The following KIFAP3 variants were observed in gnomAD, a reference collection of about 807,000 sequenced individuals.
KIFAP3 encodes kinesin-associated protein 3.
KIFAP3 carries 68 observed loss-of-function variants against 106.5 expected under a neutral mutation model. The ratio of observed to expected loss-of-function variants is 0.64; its 90% CI spans 0.53 to 0.78. The LOEUF is 0.78. Ranked by LOEUF, KIFAP3 falls within the 30% of genes least tolerant of loss-of-function variation. The pLI is 0.00. For synonymous variants in KIFAP3, 320 were observed against 311.5 expected (o/e 1.03, Z -0.29); for missense variants, 780 against 941.8 (o/e 0.83, Z 2.25).
At chr1:170,026,836 G>C (rs964769467) in intron 8 of KIFAP3, among the ~76,000 whole-genome samples, 10 of 152,086 alleles carry the variant, frequency 6.6e-5, no homozygotes, top group Non-Finnish European at 1.2e-4. Context: ...TCCGTAGTGG[G>C]AAATAACTAG....
At chr1:169,965,618 C>G (rs923358553) in intron 17 of KIFAP3, among the ~76,000 whole-genome samples, 2 of 151,962 alleles carry the variant, frequency 1.3e-5, no homozygotes, top group Non-Finnish European at 2.9e-5. Flanking sequence ...ATTTCACACC[C>G]TCTTTTAAGA....
Position 169,984,610 on chromosome 1 carries a change from GT to G in KIFAP3, c.1364del (p.Asn455ThrfsTer14), listed in dbSNP as rs1413606492. On this transcript the variant is annotated frameshift_variant, in exon 12 of 20. Coordinates refer to ENST00000361580, the MANE Select transcript of KIFAP3 (RefSeq NM_014970.4). LOFTEE classifies it high-confidence loss of function. ...LISFCINLAA[N>X]KRNVQLICEG... ...CACAGATAAGCTGTACATTTCTTTT[GT>G]TAGCAGCAAGATTAATGCAGAAAGA... 1 of 1,604,786 alleles carries G rather than the reference GT, an allele frequency of 6.2e-7. No individual in the cohort carries two copies. The highest frequency in any genetic ancestry group is 1.7e-5 in the Admixed American group (1 of 59,532).
At chr1:169,975,062 T>C (rs1351089262) in intron 16 of KIFAP3, among the ~76,000 whole-genome samples, 1 of 152,124 alleles carries the variant, frequency 6.6e-6, no homozygotes, top group Admixed American at 6.6e-5. Context: ...AAATAGTTGT[T>C]ATACTGTATT....
chr1:169,923,848 CT>C (rs1662965033), intron 19 of KIFAP3, among the ~76,000 whole-genome samples: 1 of 152,172 alleles, frequency 6.6e-6, no homozygotes, highest in African/African-American at 2.4e-5. Context: ...TTGTAGCAAC[CT>C]AGGCAATTGC....
chr1:170,042,888 T>C (rs1263662257), intron 3 of KIFAP3, among the ~76,000 whole-genome samples: 2 of 152,184 alleles, frequency 1.3e-5, no homozygotes, highest in Non-Finnish European at 2.9e-5. Flanking sequence ...TCTCTAGCCT[T>C]AAGGTCCAAC....
intron 17 of KIFAP3, among the ~76,000 whole-genome samples, chr1:169,961,499 C>T (rs780480509): frequency 6.6e-6 from 1 of 152,126 alleles, no homozygotes; most frequent in Non-Finnish European, 1.5e-5. Flanking sequence ...TTTAATATTA[C>T]ATAAATATTG....
chr1:170,005,649 T>C (rs36039820), intron 10 of KIFAP3, among the ~76,000 whole-genome samples: 1 of 136,528 alleles, frequency 7.3e-6, no homozygotes, highest in African/African-American at 2.8e-5. Flanking sequence ...TAGGTGGGAA[T>C]TGAACAATGA....
upstream of KIFAP3, among the ~76,000 whole-genome samples, chr1:170,076,047 A>G (rs532922183): frequency 1.3e-5 from 2 of 152,374 alleles, no homozygotes; most frequent in East Asian, 3.9e-4. Context: ...TTGGAAGACC[A>G]AAATATACAT....
Position 170,048,699 on chromosome 1 carries a change from G to A in KIFAP3, c.165-1833C>T, listed in dbSNP as rs537801072. On this transcript the variant is annotated intron_variant, in intron 2 of 19. Coordinates refer to ENST00000361580, the MANE Select transcript of KIFAP3 (RefSeq NM_014970.4). Reference sequence around the variant, plus strand: ...CAACCCATGGAGAGCAAGCAGAAGCGGGGTGGCGGGGGCGTCGCTACACCC... The same window carrying A: ...CAACCCATGGAGAGCAAGCAGAAGCAGGGTGGCGGGGGCGTCGCTACACCC... Among the ~76,000 whole-genome samples, 7 of 151,718 alleles carry A rather than the reference G, an allele frequency of 4.6e-5. No individual in the cohort carries two copies. In the East Asian group the frequency reaches 1.4e-3, roughly 30 times the overall value.
At chr1:169,958,844 TCA>T (rs1213843094) in intron 18 of KIFAP3, among the ~76,000 whole-genome samples, 2 of 152,138 alleles carry the variant, frequency 1.3e-5, no homozygotes, top group African/African-American at 4.8e-5. Context: ...ATGACTACAA[TCA>T]CAATAATTTT....
intron 19 of KIFAP3, among the ~76,000 whole-genome samples, chr1:169,930,593 C>T (rs567480725): frequency 6.6e-6 from 1 of 152,346 alleles, no homozygotes; most frequent in Non-Finnish European, 1.5e-5. Flanking sequence ...TGAGCACAGA[C>T]AGGTTTTGGC....
chr1:169,941,473 A>G (rs1003545050), intron 19 of KIFAP3, among the ~76,000 whole-genome samples: 14 of 152,266 alleles, frequency 9.2e-5, no homozygotes, highest in Middle Eastern at 3.4e-3. Flanking sequence ...TAAATATTAC[A>G]TATTTTTTCT....
At chr1:170,058,733 G>A (rs528573232) in intron 1 of KIFAP3, among the ~76,000 whole-genome samples, 4 of 152,054 alleles carry the variant, frequency 2.6e-5, no homozygotes, top group South Asian at 2.1e-4. Context: ...GGGCTGAGGC[G>A]GGTGTAGGGG....
At chr1:170,001,607 T>C (rs1667672152) in intron 10 of KIFAP3, among the ~76,000 whole-genome samples, 1 of 152,128 alleles carries the variant, frequency 6.6e-6, no homozygotes, top group Non-Finnish European at 1.5e-5. Context: ...TGAGGCCTAT[T>C]AAAATTGAGA....
rs1011255006 is a variant in KIFAP3, at chr1:169,953,904, T to TC, written c.2273+106_2273+107insG. On this transcript the variant is annotated intron_variant, in intron 19 of 19. Coordinates refer to ENST00000361580, the MANE Select transcript of KIFAP3 (RefSeq NM_014970.4). ...ATGCCCTTGAAAAGATTGAGGGTTT[T>TC]TTCCCCCCTCTTAATGAAAAAGAAG... 147 of 772,262 alleles carry TC rather than the reference T, an allele frequency of 1.9e-4. 1 individual carries two copies. The highest frequency in any genetic ancestry group is 2.9e-4 in the Non-Finnish European group (127 of 438,076). The allele number at this position is 772,262 out of a possible 1,614,324, so 47.8% of individuals were successfully genotyped here.
At chr1:170,009,492 T>C (rs958464610) in intron 10 of KIFAP3, among the ~76,000 whole-genome samples, 8 of 152,254 alleles carry the variant, frequency 5.3e-5, no homozygotes, top group African/African-American at 1.9e-4. Context: ...TATCCAAGAA[T>C]GAAGGCCCTT....
Position 169,961,046 on chromosome 1 carries a change from C to T in KIFAP3, c.2173G>A (p.Asp725Asn). ...TGTTTACTTTCGCTTTGGTTATCAC[C>T]TGAGTTGTAGAAAAGGTCAGGTCTT... ...LERPDLFYNS[D>N]GLIASEGAIS... Residue 725 changes from aspartate (D) to asparagine (N), a missense_variant and splice_region_variant, in exon 18 of 20, where the codon GAT becomes AAT. Physicochemically the swap from Asp to Asn is conservative, Grantham distance 23 (BLOSUM62 1). This residue lies in a region of KIFAP3 where 114 missense variants were observed against 122.3 expected (regional missense o/e 0.93). Transcript: ENST00000361580. The T allele has an allele frequency of 6.2e-7, 1 of 1,610,420 alleles. No homozygotes were observed. The highest frequency in any genetic ancestry group is 8.5e-7 in the Non-Finnish European group (1 of 1,178,208).
At position 170,074,475 on chromosome 1, in the gene KIFAP3, G is replaced by A; in HGVS notation, c.-8C>T. 1 of 1,614,040 alleles carries A rather than the reference G, an allele frequency of 6.2e-7. No individual in the cohort carries two copies. Among genetic ancestry groups the A allele is most frequent in the Non-Finnish European group, 8.5e-7 (1 of 1,179,986 alleles). On this transcript the variant is annotated 5_prime_UTR_variant, in exon 1 of 20. Coordinates refer to ENST00000361580, the MANE Select transcript of KIFAP3 (RefSeq NM_014970.4). ...GGCGTCCTCCCCTTGCATGGCGGCA[G>A]CGGCAGCGGCGTGGAGAGGATGGGG... is the stretch of plus-strand genomic sequence containing the variant.
chr1:170,056,661 CTAAT>C (rs1464298573), intron 1 of KIFAP3, among the ~76,000 whole-genome samples: 2 of 152,116 alleles, frequency 1.3e-5, no homozygotes, highest in African/African-American at 4.8e-5. Flanking sequence ...AATACTTTGA[CTAAT>C]TATGCATATT....
Sources: allele counts gnomAD v4.1 joint callset (sites outside exome capture counted in the v4.1 genomes callset), GRCh38; gene constraint gnomAD v4.1.1; regional missense constraint gnomAD v4.1.1; transcripts MANE v1.5; gene names NCBI Gene and HGNC (gene_info 2026-07-23, HGNC 2026-07-21).